DIP2C: variants seen among roughly 807,000 people sequenced by gnomAD.
DIP2C encodes DIP2 acetate--CoA ligase C (putative).
In DIP2C, 33 loss-of-function variants were observed where a neutral mutation model predicts 192.4. The ratio of observed to expected loss-of-function variants is 0.17; its 90% CI spans 0.13 to 0.23. The LOEUF is 0.23. DIP2C is among the 10% of genes least tolerant of loss of function. The pLI is 1.00. For missense variants in DIP2C, 1,537 were observed against 2,110.1 expected (o/e 0.73, Z 5.32); for synonymous variants, 979 against 864.1 (o/e 1.13, Z -2.33).
chr10:508,916 C>T (rs1399738581), intron 1 of DIP2C, among the ~76,000 whole-genome samples: 3 of 152,212 alleles, frequency 2.0e-5, no homozygotes, highest in Non-Finnish European at 4.4e-5. Flanking sequence ...TCTGACCCGA[C>T]CGTCCACCTC....
At chr10:382,564 A>G (rs1208814923) in intron 17 of DIP2C, 83 bp downstream of exon 17, 1 of 1,100,414 alleles carries the variant, frequency 9.1e-7, no homozygotes, top group Non-Finnish European at 1.4e-6. Context: ...CTCAGCATCA[A>G]CTGTTAGGAT....
At chr10:496,776 T>C (rs536490235) in intron 1 of DIP2C, among the ~76,000 whole-genome samples, 29 of 138,936 alleles carry the variant, frequency 2.1e-4, no homozygotes, top group Admixed American at 1.7e-3. Context: ...CTCGCAATAC[T>C]CCAAACAATG....
chr10:670,184 G>T (rs1030758665), intron 1 of DIP2C, among the ~76,000 whole-genome samples: 3 of 151,054 alleles, frequency 2.0e-5, no homozygotes, highest in African/African-American at 7.3e-5. Context: ...ACATGTACAC[G>T]TGTGTACATG....
In DIP2C at chr10:652,965, ATCTCAAGGTG is replaced by A. The variant is rs1856040247; in HGVS notation, c.85+36519_85+36528del. ...CATAAACCCTCGCAAGACTGTGGGC[ATCTCAAGGTG>A]CCCCACGTCCCCAAAGACCAAGGGG... On this transcript the variant is annotated intron_variant, in intron 1 of 36. Coordinates refer to ENST00000280886, the MANE Select transcript of DIP2C (RefSeq NM_014974.3). The surrounding 1 kb of genome is among the most constrained non-coding windows in gnomAD (Gnocchi z 4.5). Among the ~76,000 whole-genome samples the A allele has an allele frequency of 6.6e-6, 1 of 152,048 alleles. No individual in the cohort carries two copies. The highest frequency in any genetic ancestry group is 1.5e-5 in the Non-Finnish European group (1 of 68,010).
At chr10:606,511 C>G (rs1168998072) in intron 1 of DIP2C, among the ~76,000 whole-genome samples, 4 of 149,144 alleles carry the variant, frequency 2.7e-5, no homozygotes, top group Admixed American at 2.7e-4. Flanking sequence ...GAGGGGATCT[C>G]ACGGCCCCGC....
intron 1 of DIP2C, among the ~76,000 whole-genome samples, chr10:680,678 G>A: frequency 6.6e-6 from 1 of 152,240 alleles, no homozygotes; most frequent in South Asian, 2.1e-4. Context: ...ACAGGGATGT[G>A]AATTTCCATG....
In DIP2C at chr10:310,733, C is replaced by T. The variant is rs564492254; in HGVS notation, c.3925-641G>A. On this transcript the variant is annotated intron_variant, in intron 31 of 36. Transcript: ENST00000280886. Reference sequence around the variant, plus strand: ...TTACACAGGGGTCCAGAAATCTTTTCTTGGCACCATAAATTGCTTGAAAAA... The same window carrying T: ...TTACACAGGGGTCCAGAAATCTTTTTTTGGCACCATAAATTGCTTGAAAAA... Among the ~76,000 whole-genome samples, 29 of 152,304 alleles carry T rather than the reference C, an allele frequency of 1.9e-4. 1 individual carries two copies. In the South Asian group the frequency reaches 5.8e-3, roughly 30 times the overall value.
intron 24 of DIP2C, among the ~76,000 whole-genome samples, chr10:353,185 CAA>C (rs1424878271): frequency 2.2e-5 from 3 of 136,892 alleles, no homozygotes; most frequent in African/African-American, 8.1e-5. Flanking sequence ...CAGGGAAACA[CAA>C]AGAGTCTGCC....
rs566946033 is a variant in DIP2C at position 439,438 on chromosome 10, G to A, written c.394+1433C>T. Among the ~76,000 whole-genome samples the A allele has an allele frequency of 1.9e-4, 28 of 150,460 alleles. No individual in the cohort carries two copies. In the South Asian group the frequency reaches 3.5e-3, roughly 19 times the overall value. On this transcript the variant is annotated intron_variant, in intron 4 of 36. Transcript: ENST00000280886. ...TAAATGAAAAACAACAACAACATAG[G>A]AACACCCTGTCTCCACAAAAACTTA...
At chr10:558,556 T>A (rs988828357) in intron 1 of DIP2C, among the ~76,000 whole-genome samples, 1 of 151,756 alleles carries the variant, frequency 6.6e-6, no homozygotes, top group Non-Finnish European at 1.5e-5. Flanking sequence ...CCCAGCCCAG[T>A]CACACAACCA....
At chr10:541,847 C>T (rs1474104540) in intron 1 of DIP2C, among the ~76,000 whole-genome samples, 1 of 152,224 alleles carries the variant, frequency 6.6e-6, no homozygotes, top group Admixed American at 6.5e-5. Flanking sequence ...TGCACCCTGT[C>T]TAGTGCATCC....
At chr10:545,329 G>A (rs1848229534) in intron 1 of DIP2C, among the ~76,000 whole-genome samples, 1 of 152,026 alleles carries the variant, frequency 6.6e-6, no homozygotes, top group Non-Finnish European at 1.5e-5. Context: ...ACAACGCCCA[G>A]GTAATTTTTG....
chr10:324,993 T>A (rs147224753), intron 31 of DIP2C: 4 of 528,094 alleles, frequency 7.6e-6, no homozygotes, highest in African/African-American at 3.9e-5. Flanking sequence ...GGGCTGGGCG[T>A]GGTGGCTCAT....
chr10:663,072 G>T, intron 1 of DIP2C: 1 of 613,006 alleles, frequency 1.6e-6, no homozygotes. Context: ...CCGTGACCCA[G>T]TGATACCACT....
intron 32 of DIP2C, among the ~76,000 whole-genome samples, chr10:290,566 G>T (rs1315826845): frequency 6.6e-6 from 1 of 152,218 alleles, no homozygotes; most frequent in African/African-American, 2.4e-5. Flanking sequence ...GAGGCCCGCA[G>T]ATGTGCCCTG....
chr10:685,147 A>C (rs1564340888), intron 1 of DIP2C, among the ~76,000 whole-genome samples: 3 of 62,592 alleles, frequency 4.8e-5, no homozygotes, highest in African/African-American at 2.4e-4. Flanking sequence ...AAAAAAAAAA[A>C]AAAAAAAAAA....
chr10:645,419 G>C (rs1855397627), intron 1 of DIP2C, among the ~76,000 whole-genome samples: 1 of 152,176 alleles, frequency 6.6e-6, no homozygotes, highest in African/African-American at 2.4e-5. Flanking sequence ...ACACACCTCA[G>C]CCAGCAGGAA....
At chr10:399,660 C>T (rs1964259516) in intron 9 of DIP2C, among the ~76,000 whole-genome samples, 1 of 152,156 alleles carries the variant, frequency 6.6e-6, no homozygotes, top group Non-Finnish European at 1.5e-5. Context: ...CTCTCTGAGC[C>T]TTAGTGTTCT....
At chr10:440,748 G>A (rs1488491043) in intron 4 of DIP2C, 123 bp downstream of exon 4, 11 of 1,397,338 alleles carry the variant, frequency 7.9e-6, no homozygotes, top group Non-Finnish European at 8.5e-6. Flanking sequence ...TTGGACTTCT[G>A]GTTCACAAAA....
Sources: allele counts gnomAD v4.1 joint callset (sites outside exome capture counted in the v4.1 genomes callset), GRCh38; gene constraint gnomAD v4.1.1; non-coding constraint Gnocchi (gnomAD v3.1); transcripts MANE v1.5; gene names NCBI Gene and HGNC (gene_info 2026-07-23, HGNC 2026-07-21).